The following MTHFD2 variants were observed in gnomAD, a reference collection of about 807,000 sequenced individuals.
MTHFD2 encodes methylenetetrahydrofolate dehydrogenase (NADP+ dependent) 2, methenyltetrahydrofolate cyclohydrolase.
In MTHFD2, 26 loss-of-function variants were observed where a neutral mutation model predicts 36.8. That is an observed-to-expected ratio of 0.71 (90% CI 0.52 to 0.98). The LOEUF (loss-of-function observed/expected upper bound fraction) is 0.98. MTHFD2 is among the 50% of genes least tolerant of loss of function. MTHFD2 has a pLI of 0.00. For missense variants in MTHFD2, 373 were observed against 434.0 expected (o/e 0.86, Z 1.25); for synonymous variants, 164 against 155.2 (o/e 1.06, Z -0.42).
chr2:74,203,008 T>C (rs1694075566), intron 1 of MTHFD2, among the ~76,000 whole-genome samples: 1 of 152,186 alleles, frequency 6.6e-6, no homozygotes, highest in African/African-American at 2.4e-5. Flanking sequence ...TTGTAACTTT[T>C]TTCTTTTTTT....
chr2:74,208,802 A>G (rs1423161403), intron 4 of MTHFD2, 81 bp downstream of exon 4: 6 of 1,404,430 alleles, frequency 4.3e-6, no homozygotes, highest in Non-Finnish European at 5.9e-6. Flanking sequence ...ATACAGTCCC[A>G]AAGAGTGGAA....
At chr2:74,203,674 T>C (rs1188883235) in intron 1 of MTHFD2, among the ~76,000 whole-genome samples, 2 of 152,170 alleles carry the variant, frequency 1.3e-5, no homozygotes, top group Non-Finnish European at 2.9e-5. Flanking sequence ...GAATTAATTT[T>C]ATCTGACCCT....
chr2:74,203,645 A>AAATT (rs1460313716), intron 1 of MTHFD2, among the ~76,000 whole-genome samples: 1 of 152,132 alleles, frequency 6.6e-6, no homozygotes, highest in Admixed American at 6.6e-5. Context: ...ATAAATAAAT[A>AAATT]AATTAGCAGT....
rs1211770520 is a variant in MTHFD2, at chr2:74,215,913, C to G, written c.*1671C>G. 1 of 152,314 alleles carries G rather than the reference C, an allele frequency of 6.6e-6. No individual in the cohort carries two copies. The highest frequency in any genetic ancestry group is 1.5e-5 in the Non-Finnish European group (1 of 68,154). 9.4% of individuals were successfully genotyped at this position (152,314 alleles called of 1,614,324 possible). A position where few individuals can be genotyped will look rare whatever the true frequency, so the allele number is the denominator to read the frequency against. The stretch of plus-strand genomic sequence containing the variant: ...CGTGAGCCACTGCACCTGGCCTGTC[C>G]TACAGTCTTATATCACAACAGGTTG... On this transcript the variant is annotated 3_prime_UTR_variant, in exon 8 of 8. Transcript: ENST00000394053.
intron 7 of MTHFD2, among the ~76,000 whole-genome samples, chr2:74,212,824 C>T (rs115376565): frequency 1.5e-3 from 231 of 152,090 alleles, no homozygotes; most frequent in African/African-American, 5.4e-3. Flanking sequence ...TGAGAGATCA[C>T]AGGCCTAGAA....
At chr2:74,213,127 C>T (rs920536075) in intron 7 of MTHFD2, among the ~76,000 whole-genome samples, 2 of 152,008 alleles carry the variant, frequency 1.3e-5, no homozygotes, top group Admixed American at 6.6e-5. Context: ...TGGTCTTGAA[C>T]TCCTGGCCTC....
chr2:74,205,622 G>A, intron 1 of MTHFD2, 83 bp from the exon 2 acceptor site: 1 of 1,465,286 alleles, frequency 6.8e-7, no homozygotes, highest in Non-Finnish European at 9.2e-7. Context: ...GGGATTACAG[G>A]CATAAGCCAC....
chr2:74,201,556 G>C (rs1204608378), intron 1 of MTHFD2, among the ~76,000 whole-genome samples: 1 of 151,586 alleles, frequency 6.6e-6, no homozygotes, highest in Non-Finnish European at 1.5e-5. Flanking sequence ...GTAGAGATGG[G>C]GTCTCACCAT....
chr2:74,209,921 T>G, intron 4 of MTHFD2, 21 bp from the exon 5 acceptor site: 1 of 1,598,040 alleles, frequency 6.3e-7, no homozygotes, highest in Non-Finnish European at 8.5e-7. Context: ...ACTTTTAATG[T>G]CAATACATAT....
chr2:74,205,477 C>G (rs1294249073), intron 1 of MTHFD2, among the ~76,000 whole-genome samples: 1 of 151,784 alleles, frequency 6.6e-6, no homozygotes, highest in Non-Finnish European at 1.5e-5. Context: ...CAACTTTATC[C>G]CCCTCCATAT....
intron 1 of MTHFD2, among the ~76,000 whole-genome samples, chr2:74,198,981 G>T (rs1053618750): frequency 4.6e-5 from 7 of 152,188 alleles, no homozygotes; most frequent in East Asian, 1.9e-4. Context: ...GGAGGGAGCC[G>T]CTCTCCTGCG....
chr2:74,202,188 T>A, intron 1 of MTHFD2, among the ~76,000 whole-genome samples: 1 of 152,148 alleles, frequency 6.6e-6, no homozygotes, highest in Admixed American at 6.5e-5. Context: ...ATAGTGTATA[T>A]ACTTATATAT....
chr2:74,211,804 T>A lies in MTHFD2; in HGVS notation c.827T>A (p.Ile276Lys). ...GGAGCAGCAGTCATTGATGTGGGAATAAATAGAGTTCACGATCCTGTAACT... is the reference window on the plus strand; with the variant it reads ...GGAGCAGCAGTCATTGATGTGGGAAAAAATAGAGTTCACGATCCTGTAACT... Reference protein sequence around the residue: ...KEGAAVIDVGINRVHDPVTAK... With the variant: ...KEGAAVIDVGKNRVHDPVTAK... The change falls in exon 7 of 8, where the codon ATA becomes AAA. Residue 276 changes from isoleucine (I) to lysine (K), a missense_variant. Ile to Lys is a moderately radical substitution (Grantham distance 102, BLOSUM62 -3). Transcript: ENST00000394053. 1.9e-5 allele frequency: 31 copies of A among 1,612,014 alleles called. No homozygotes were observed. Among genetic ancestry groups the A allele is most frequent in the Non-Finnish European group, 2.6e-5 (31 of 1,179,732 alleles).
intron 5 of MTHFD2, among the ~76,000 whole-genome samples, chr2:74,210,582 C>T (rs2103829078): frequency 6.6e-6 from 1 of 152,256 alleles, no homozygotes; most frequent in South Asian, 2.1e-4. Context: ...CTTAAAACAA[C>T]CTTGAGTAAT....
chr2:74,205,911 C>A, intron 2 of MTHFD2, 22 bp downstream of exon 2: 1 of 1,603,372 alleles, frequency 6.2e-7, no homozygotes, highest in South Asian at 1.1e-5. Context: ...TCTGAGACCT[C>A]GACTGCGGTT....
intron 1 of MTHFD2, among the ~76,000 whole-genome samples, chr2:74,203,894 T>TTTTGAG (rs1694108271): frequency 7.1e-5 from 2 of 28,006 alleles, no homozygotes; most frequent in Admixed American, 3.7e-4. Flanking sequence ...TAGTTTAGTT[T>TTTTGAG]AGTTTAGTTT....
At chr2:74,204,848 C>G (rs1035679422) in intron 1 of MTHFD2, among the ~76,000 whole-genome samples, 1 of 152,104 alleles carries the variant, frequency 6.6e-6, no homozygotes, top group Non-Finnish European at 1.5e-5. Flanking sequence ...ATTTTTGAGA[C>G]GGAGTCTAGC....
chr2:74,200,967 C>T (rs139626622), intron 1 of MTHFD2, among the ~76,000 whole-genome samples: 184 of 152,220 alleles, frequency 1.2e-3, no homozygotes, highest in African/African-American at 4.3e-3. Context: ...GAAGATGCTA[C>T]TCACTTGGAT....
intron 1 of MTHFD2, among the ~76,000 whole-genome samples, chr2:74,204,712 G>C (rs925415039): frequency 6.6e-6 from 1 of 152,192 alleles, no homozygotes; most frequent in Admixed American, 6.5e-5. Context: ...ACTGTGAGAA[G>C]GAGCTTCCTC....
Sources: allele counts gnomAD v4.1 joint callset (sites outside exome capture counted in the v4.1 genomes callset), GRCh38; gene constraint gnomAD v4.1.1; transcripts MANE v1.5; gene names NCBI Gene and HGNC (gene_info 2026-07-23, HGNC 2026-07-21).